PAX3: variants seen among roughly 807,000 people sequenced by gnomAD.
PAX3 encodes the protein paired box 3, also known as paired box protein Pax-3.
In PAX3, 14 loss-of-function variants were observed where a neutral mutation model predicts 51.6. That is an observed-to-expected ratio of 0.27 (90% CI 0.18 to 0.42). PAX3 has a LOEUF of 0.42. PAX3 is among the 10% of genes least tolerant of loss of function. PAX3 has a pLI of 1.00. For missense variants in PAX3, 540 were observed against 642.8 expected, an observed-to-expected ratio of 0.84 and a Z score of 1.73; for synonymous variants, 280 against 253.4, an observed-to-expected ratio of 1.11 and a Z score of -1.00.
At chr2:222,259,377 T>C (rs1693761357) in intron 4 of PAX3, among the ~76,000 whole-genome samples, 1 of 152,232 alleles carries the variant, frequency 6.6e-6, no homozygotes, top group Non-Finnish European at 1.5e-5. Context: ...GTTTTATATC[T>C]AGATCAAAAG....
chr2:222,296,880 T>C, intron 2 of PAX3, 98 bp downstream of exon 2: 1 of 1,001,472 alleles, frequency 1.0e-6, no homozygotes, highest in Non-Finnish European at 1.5e-6. Flanking sequence ...AATAACTCAT[T>C]GGAGAGCCCC....
chr2:222,206,747 A>G (rs1691526624), intron 7 of PAX3, among the ~76,000 whole-genome samples: 1 of 152,198 alleles, frequency 6.6e-6, no homozygotes, highest in Admixed American at 6.5e-5. Context: ...ACTATGGGCC[A>G]AATTAAGATT....
In PAX3 at chr2:222,294,203, CCTT is replaced by C. The variant is rs763561793; in HGVS notation, c.547_549del (p.Lys183del). On this transcript the variant is annotated inframe_deletion, in exon 4 of 9. Coordinates refer to ENST00000392070, the MANE Select transcript of PAX3 (RefSeq NM_181458.4). ...AGGATGCCGTCGATGCTGTGTTTGG[CCTT>C]CTTCTCGCTTTCCTCTGCCTCCTTC... The C allele has an allele frequency of 1.9e-5, 31 of 1,614,126 alleles. No individual in the cohort carries two copies. Among genetic ancestry groups the C allele is most frequent in the South Asian group, 3.3e-5 (3 of 91,092 alleles).
intron 4 of PAX3, among the ~76,000 whole-genome samples, chr2:222,234,414 G>A (rs897712326): frequency 6.6e-6 from 1 of 152,158 alleles, no homozygotes; most frequent in African/African-American, 2.4e-5. Flanking sequence ...AATACGCTAT[G>A]CATTGCATTA....
At chr2:222,255,347 C>A (rs1429622366) in intron 4 of PAX3, among the ~76,000 whole-genome samples, 1 of 152,166 alleles carries the variant, frequency 6.6e-6, no homozygotes. Context: ...TAGAGACCAC[C>A]TAGCTGGAGA....
Position 222,295,533 on chromosome 2 carries a change from G to T in PAX3, c.446C>A (p.Pro149Gln). Residue 149 changes from proline (P) to glutamine (Q), a missense_variant, in exon 3 of 9, where the codon CCG becomes CAG. This residue lies in a region of PAX3 where 427 missense variants were observed against 483.6 expected (regional missense o/e 0.88). Transcript: ENST00000392070. Reference protein sequence around the residue: ...KDAVCDRNTVPSVSSISRILR... With the variant: ...KDAVCDRNTVQSVSSISRILR... ...GAGGTTAATGGGCCTAGTACCTGAC[G>T]GCACGGTGTTTCGATCACAGACCGC... 1 of 1,614,200 alleles carries T rather than the reference G, an allele frequency of 6.2e-7. No individual in the cohort carries two copies. Among genetic ancestry groups the T allele is most frequent in the South Asian group, 1.1e-5 (1 of 91,080 alleles).
intron 7 of PAX3, among the ~76,000 whole-genome samples, chr2:222,209,617 T>C (rs544273219): frequency 7.0e-6 from 1 of 143,494 alleles, no homozygotes; most frequent in South Asian, 2.2e-4. Flanking sequence ...CTCAGCACTT[T>C]GGGAGGCTGA....
In PAX3 at chr2:222,294,151, A is replaced by G. The variant is rs1304629487; in HGVS notation, c.586+16T>C. 1.2e-6 allele frequency: 2 copies of G among 1,614,024 alleles called. No individual in the cohort carries two copies. The highest frequency in any genetic ancestry group is 1.1e-5 in the South Asian group (1 of 91,080). ...AGTCACCCAGCAAGTGCGCCGCCCA[A>G]GGCGCCACCGCTTACCTCGCTCGCT... On this transcript the variant is annotated intron_variant, in intron 4 of 8. Coordinates refer to ENST00000392070, the MANE Select transcript of PAX3 (RefSeq NM_181458.4).
intron 8 of PAX3, chr2:222,201,683 G>T: frequency 7.0e-7 from 1 of 1,424,284 alleles, no homozygotes; most frequent in Non-Finnish European, 9.2e-7. Context: ...ATTTCATTTT[G>T]GCCAACCCTT....
intron 4 of PAX3, among the ~76,000 whole-genome samples, chr2:222,244,466 A>G (rs1472547570): frequency 3.9e-5 from 6 of 152,212 alleles, no homozygotes; most frequent in Non-Finnish European, 7.3e-5. Flanking sequence ...TTTGCAAAAC[A>G]TAACACAATT....
At chr2:222,244,328 A>G (rs1053887580) in intron 4 of PAX3, among the ~76,000 whole-genome samples, 1 of 152,174 alleles carries the variant, frequency 6.6e-6, no homozygotes, top group African/African-American at 2.4e-5. Context: ...AACTACTTCA[A>G]ATACCCAGAT....
At chr2:222,291,329 C>G (rs1329394825) in intron 4 of PAX3, among the ~76,000 whole-genome samples, 1 of 152,188 alleles carries the variant, frequency 6.6e-6, no homozygotes, top group Non-Finnish European at 1.5e-5. Flanking sequence ...CAGCCCTCTC[C>G]TTTCTCCTGG....
chr2:222,247,887 A>G (rs1243291469), intron 4 of PAX3, among the ~76,000 whole-genome samples: 5 of 151,856 alleles, frequency 3.3e-5, no homozygotes, highest in Non-Finnish European at 4.4e-5. Context: ...ATCTCATTAT[A>G]TCTACCTCAT....
chr2:222,266,175 C>A (rs925419113), intron 4 of PAX3, among the ~76,000 whole-genome samples: 1 of 152,316 alleles, frequency 6.6e-6, no homozygotes, highest in Admixed American at 6.5e-5. Context: ...CTGATTGCAT[C>A]CTGGTTTCCC....
In PAX3 at chr2:222,234,167, G is replaced by A. The variant is rs951585263; in HGVS notation, c.587-1884C>T. Among the ~76,000 whole-genome samples, 6 of 152,186 alleles carry A rather than the reference G, an allele frequency of 3.9e-5. No individual in the cohort carries two copies. The East Asian group carries it at 1.2e-3, about 29-fold the overall frequency. Reference sequence around the variant, plus strand: ...TATTATGAAACTAAGAGGCAATAGAGTAAATTAATAATGCAAGTGATAATT... The same window carrying A: ...TATTATGAAACTAAGAGGCAATAGAATAAATTAATAATGCAAGTGATAATT... On this transcript the variant is annotated intron_variant, in intron 4 of 8. Transcript: ENST00000392070.
intron 4 of PAX3, among the ~76,000 whole-genome samples, chr2:222,292,316 C>T (rs570073859): frequency 6.6e-6 from 1 of 152,170 alleles, no homozygotes; most frequent in Non-Finnish European, 1.5e-5. Flanking sequence ...TTCCTTTGTT[C>T]ACATCAAGCT....
At chr2:222,283,666 A>G (rs1694725706) in intron 4 of PAX3, among the ~76,000 whole-genome samples, 2 of 152,204 alleles carry the variant, frequency 1.3e-5, no homozygotes, top group African/African-American at 4.8e-5. Context: ...GGGGGCCAGG[A>G]CTGTCCAGAA....
At chr2:222,227,429 C>T (rs1692425945) in intron 5 of PAX3, among the ~76,000 whole-genome samples, 1 of 152,030 alleles carries the variant, frequency 6.6e-6, no homozygotes, top group South Asian at 2.1e-4. Context: ...AACCGCATCT[C>T]TACAATACAA....
intron 7 of PAX3, among the ~76,000 whole-genome samples, chr2:222,206,492 A>T (rs1691515383): frequency 6.6e-6 from 1 of 152,174 alleles, no homozygotes; most frequent in Non-Finnish European, 1.5e-5. Flanking sequence ...TTTAAAAACA[A>T]ATTCAAAGCT....
Sources: allele counts gnomAD v4.1 joint callset (sites outside exome capture counted in the v4.1 genomes callset), GRCh38; gene constraint gnomAD v4.1.1; regional missense constraint gnomAD v4.1.1; transcripts MANE v1.5; gene names NCBI Gene and HGNC (gene_info 2026-07-23, HGNC 2026-07-21).